Variants in PDXDC1 observed in about 807,000 individuals in gnomAD.
The protein encoded by PDXDC1 is pyridoxal dependent decarboxylase domain containing 1.
PDXDC1 carries 42 observed loss-of-function variants against 100.1 expected under a neutral mutation model. That is an observed-to-expected ratio of 0.42 (90% CI 0.33 to 0.54). The LOEUF (loss-of-function observed/expected upper bound fraction) is 0.54, where lower values mean the gene tolerates loss of function less well. Ranked by LOEUF, PDXDC1 falls within the 20% of genes least tolerant of loss-of-function variation. PDXDC1 has a pLI of 0.10. For missense variants in PDXDC1, 636 were observed against 979.2 expected, an observed-to-expected ratio of 0.65 and a Z score of 4.68; for synonymous variants, 260 against 371.7, an observed-to-expected ratio of 0.70 and a Z score of 3.46.
intron 16 of PDXDC1, chr16:15,073,077 T>C: frequency 6.2e-7 from 1 of 1,604,436 alleles, no homozygotes; most frequent in Non-Finnish European, 8.5e-7. Flanking sequence ...GTTATCAACC[T>C]TACCTATGGA....
intron 16 of PDXDC1, among the ~76,000 whole-genome samples, chr16:15,125,087 C>T (rs1037070611): frequency 3.1e-5 from 4 of 129,316 alleles, no homozygotes; most frequent in African/African-American, 1.2e-4. Context: ...GCGGAGGTTG[C>T]AGTGAGCCGA....
rs1966590935 is a variant in PDXDC1, at chr16:14,975,099, G to A, written c.-101G>A. On this transcript the variant is annotated 5_prime_UTR_variant, in exon 1 of 23. Transcript: ENST00000396410. ...CCTCTTCTCCGCCCCGCCGGCCGCG[G>A]GCGCGGGGGACGTCAGCGCTGCCAG... The A allele has an allele frequency of 2.0e-6, 3 of 1,468,270 alleles. No individual in the cohort carries two copies. Among genetic ancestry groups the A allele is most frequent in the South Asian group, 1.4e-5 (1 of 70,994 alleles). The allele number at this position is 1,468,270 out of a possible 1,614,324, so 91.0% of individuals were successfully genotyped here.
At chr16:15,100,754 G>C (rs888179536) in intron 16 of PDXDC1, among the ~76,000 whole-genome samples, 1 of 152,194 alleles carries the variant, frequency 6.6e-6, no homozygotes, top group African/African-American at 2.4e-5. Flanking sequence ...TGAGGCAGGA[G>C]AATTGCTTGA....
chr16:15,071,251 C>T (rs1200298111), intron 16 of PDXDC1: 1 of 1,605,856 alleles, frequency 6.2e-7, no homozygotes, highest in South Asian at 1.1e-5. Context: ...TCTGCGAATC[C>T]CTATAAAAAG....
At chr16:15,050,567 A>G (rs2044255005) in intron 16 of PDXDC1, among the ~76,000 whole-genome samples, 1 of 152,054 alleles carries the variant, frequency 6.6e-6, no homozygotes, top group Non-Finnish European at 1.5e-5. Flanking sequence ...TCCTGTCTCT[A>G]CAAAAATTAC....
At chr16:15,083,908 G>A (rs1281372952) in intron 16 of PDXDC1, among the ~76,000 whole-genome samples, 1 of 152,168 alleles carries the variant, frequency 6.6e-6, no homozygotes, top group African/African-American at 2.4e-5. Flanking sequence ...TAGAGACGGG[G>A]TTTCTCCATG....
chr16:15,142,602 C>T (rs1415343387), downstream of PDXDC1, among the ~76,000 whole-genome samples: 2 of 152,120 alleles, frequency 1.3e-5, no homozygotes, highest in Admixed American at 1.3e-4. Context: ...GTGTGGGCTT[C>T]AGGGACAGGG....
At position 15,089,967 on chromosome 16, in the gene PDXDC1, G is replaced by C. The variant is rs1323565983; in HGVS notation, c.1400-48912G>C. ...CTCACACTTGTAATCCCAGCACTTT[G>C]GGAGGCCAAGGCGGGCAGGTCACCT... On this transcript the variant is annotated intron_variant, in intron 16 of 16. Transcript: ENST00000535621. Among the ~76,000 whole-genome samples, 3 of 151,914 alleles carry C rather than the reference G, an allele frequency of 2.0e-5. No individual in the cohort carries two copies. In the East Asian group the frequency reaches 5.8e-4, roughly 30 times the overall value.
chr16:14,981,220 C>G (rs1967901746), intron 1 of PDXDC1, among the ~76,000 whole-genome samples: 1 of 152,296 alleles, frequency 6.6e-6, no homozygotes, highest in Non-Finnish European at 1.5e-5. Flanking sequence ...ACGAGTGTGC[C>G]TCATATTATT....
intron 6 of PDXDC1, among the ~76,000 whole-genome samples, chr16:15,007,738 A>C (rs1340784623): frequency 6.6e-6 from 1 of 152,282 alleles, no homozygotes; most frequent in African/African-American, 2.4e-5. Flanking sequence ...GAGTTTAATA[A>C]TAATCCTCTG....
chr16:15,066,511 T>C (rs1299029097), intron 16 of PDXDC1, among the ~76,000 whole-genome samples: 2 of 151,840 alleles, frequency 1.3e-5, no homozygotes, highest in Non-Finnish European at 2.9e-5. Flanking sequence ...CAGGCGCCTG[T>C]AGTCCCAGCT....
chr16:15,028,702 T>C (rs1411153209), intron 14 of PDXDC1, among the ~76,000 whole-genome samples, 176 bp from the exon 15 acceptor site: 1 of 152,224 alleles, frequency 6.6e-6, no homozygotes, highest in Non-Finnish European at 1.5e-5. Flanking sequence ...AAGTGTTACA[T>C]AGATCACGAG....
At chr16:15,077,666 C>T (rs539906409) in intron 16 of PDXDC1, among the ~76,000 whole-genome samples, 8 of 152,222 alleles carry the variant, frequency 5.3e-5, no homozygotes, top group Admixed American at 3.9e-4. Flanking sequence ...ACGGTGAAAC[C>T]CCATCTCTAC....
chr16:14,997,387 A>G (rs1372785037), intron 1 of PDXDC1, among the ~76,000 whole-genome samples: 1 of 152,262 alleles, frequency 6.6e-6, no homozygotes, highest in Non-Finnish European at 1.5e-5. Context: ...TAAAAATACA[A>G]AAATTAGCTG....
downstream of PDXDC1, among the ~76,000 whole-genome samples, chr16:15,143,312 A>G (rs922986900): frequency 6.6e-6 from 1 of 152,130 alleles, no homozygotes; most frequent in Admixed American, 6.5e-5. Context: ...CTGGAGCAGG[A>G]GCAGCAACAG....
At chr16:15,090,833 T>A (rs901991284) in intron 16 of PDXDC1, among the ~76,000 whole-genome samples, 3 of 151,468 alleles carry the variant, frequency 2.0e-5, no homozygotes, top group Non-Finnish European at 4.4e-5. Context: ...TACTACATGA[T>A]AGGTGTATCT....
At chr16:14,982,603 T>G (rs1201370026) in intron 1 of PDXDC1, among the ~76,000 whole-genome samples, 2 of 152,016 alleles carry the variant, frequency 1.3e-5, no homozygotes, top group Non-Finnish European at 2.9e-5. Context: ...TCTTAAATAC[T>G]GTACTGTTGA....
At chr16:15,091,415 G>A in intron 16 of PDXDC1, 4 of 1,403,112 alleles carry the variant, frequency 2.9e-6, no homozygotes, top group Non-Finnish European at 3.0e-6. Flanking sequence ...TTTGTTTCCT[G>A]TTTAGTATCA....
chr16:15,093,839 C>G (rs963598498), intron 16 of PDXDC1: 9 of 427,092 alleles, frequency 2.1e-5, no homozygotes, highest in African/African-American at 1.9e-4. Flanking sequence ...CAAATTTGGA[C>G]GAAGAAGAGG....
Sources: allele counts gnomAD v4.1 joint callset (sites outside exome capture counted in the v4.1 genomes callset), GRCh38; gene constraint gnomAD v4.1.1; transcripts MANE v1.5; gene names NCBI Gene and HGNC (gene_info 2026-07-23, HGNC 2026-07-21).